PCDHGA7: variants seen among roughly 807,000 people sequenced by gnomAD.
The protein encoded by PCDHGA7 is protocadherin gamma subfamily A, 7, also known as protocadherin gamma-A7.
Under a neutral mutation model 58.3 loss-of-function variants are expected in PCDHGA7, and 44 were observed. That is an observed-to-expected ratio of 0.75 (90% CI 0.59 to 0.97). PCDHGA7 has a LOEUF of 0.97. Among genes scored for constraint, PCDHGA7 ranks in the 50% least tolerant of loss-of-function variants. PCDHGA7 has a pLI of 0.00. For synonymous variants in PCDHGA7, 516 were observed against 504.2 expected (o/e 1.02, Z -0.31); for missense variants, 1,266 against 1,188.7 (o/e 1.06, Z -0.96).
chr5:141,494,556 T>C (rs909822734), intron 1 of PCDHGA7, among the ~76,000 whole-genome samples: 18 of 152,120 alleles, frequency 1.2e-4, no homozygotes, highest in African/African-American at 4.3e-4. Context: ...GCCATTTCTT[T>C]AGGAAAGGAG....
chr5:141,441,697 C>A (rs1415018255), intron 1 of PCDHGA7: 4 of 307,190 alleles, frequency 1.3e-5, no homozygotes, highest in Non-Finnish European at 1.3e-5. Flanking sequence ...CAGCCGCGAG[C>A]CTTCAAGCTC....
intron 2 of PCDHGA7, among the ~76,000 whole-genome samples, chr5:141,498,839 A>C (rs2099786236): frequency 6.6e-6 from 1 of 152,062 alleles, no homozygotes; most frequent in Non-Finnish European, 1.5e-5. Context: ...AGGCTGAGGC[A>C]GGGGAATCGC....
intron 2 of PCDHGA7, among the ~76,000 whole-genome samples, chr5:141,499,083 C>G (rs2099789346): frequency 6.6e-6 from 1 of 152,082 alleles, no homozygotes; most frequent in African/African-American, 2.4e-5. Flanking sequence ...GAAGTTCCTG[C>G]TTGGCACATG....
chr5:141,508,971 T>C (rs776443205), intron 3 of PCDHGA7, among the ~76,000 whole-genome samples: 14 of 152,004 alleles, frequency 9.2e-5, no homozygotes, highest in Non-Finnish European at 2.1e-4. Context: ...ATGAAAGGGC[T>C]GGGGGTGGGG....
chr5:141,386,522 C>T (rs1561611649), intron 1 of PCDHGA7, among the ~76,000 whole-genome samples: 3 of 152,174 alleles, frequency 2.0e-5, no homozygotes, highest in African/African-American at 4.8e-5. Flanking sequence ...CAAAAAAAGA[C>T]TCTTTTTAGA....
chr5:141,410,602 T>A, intron 1 of PCDHGA7: 4 of 1,607,792 alleles, frequency 2.5e-6, no homozygotes, highest in South Asian at 2.2e-5. Flanking sequence ...TGACTTCACA[T>A]CCTGAGACTC....
chr5:141,441,633 C>T, intron 1 of PCDHGA7: 1 of 226,756 alleles, frequency 4.4e-6, no homozygotes, highest in Non-Finnish European at 8.9e-6. Flanking sequence ...CCTGGAGCCA[C>T]AGGCGCTGTG....
rs753358324 is a variant in PCDHGA7, at chr5:141,487,328, G to A, written c.2425-7479G>A. On this transcript the variant is annotated intron_variant, in intron 1 of 3. Transcript: ENST00000518325. This position sits in a 1 kb window ranked among gnomAD's most constrained non-coding sequence, Gnocchi z 5.0. ...ACTACTCTCTAAGTGTCTTCGTGGG[G>A]CAGCCTGTGGAGTCACATGCTTTCC... 1.2e-6 allele frequency: 2 copies of A among 1,613,962 alleles called. No individual in the cohort carries two copies. The highest frequency in any genetic ancestry group is 2.2e-5 in the East Asian group (1 of 44,874).
chr5:141,423,241 G>A (rs1485226833), intron 1 of PCDHGA7: 19 of 1,613,954 alleles, frequency 1.2e-5, no homozygotes, highest in Non-Finnish European at 1.4e-5. Flanking sequence ...CATCCCCGAA[G>A]TCCTGGCGGA....
chr5:141,418,069 G>T, intron 1 of PCDHGA7: 4 of 1,614,042 alleles, frequency 2.5e-6, no homozygotes, highest in South Asian at 2.2e-5. Flanking sequence ...GAGTGAGCGC[G>T]GAGAAGCTGC....
At chr5:141,400,242 G>A (rs757952126) in intron 1 of PCDHGA7, 14 of 1,613,894 alleles carry the variant, frequency 8.7e-6, no homozygotes, top group Middle Eastern at 1.6e-4. Context: ...CCGTGATTCT[G>A]GCCGTTGCCT....
chr5:141,456,275 G>A (rs1234663731), intron 1 of PCDHGA7, among the ~76,000 whole-genome samples: 1 of 152,142 alleles, frequency 6.6e-6, no homozygotes, highest in Non-Finnish European at 1.5e-5. Flanking sequence ...GCTACTTCCT[G>A]CTGAAAAGGG....
chr5:141,388,407 A>G (rs2091351140), intron 1 of PCDHGA7: 6 of 1,613,878 alleles, frequency 3.7e-6, no homozygotes, highest in Middle Eastern at 3.3e-4. Flanking sequence ...ACTCAGTCCC[A>G]GTGATCATTT....
At chr5:141,460,088 A>C (rs1225262213) in intron 1 of PCDHGA7, among the ~76,000 whole-genome samples, 2 of 151,990 alleles carry the variant, frequency 1.3e-5, no homozygotes, top group Non-Finnish European at 2.9e-5. Flanking sequence ...AAAAATAATA[A>C]TTATACATGT....
intron 1 of PCDHGA7, chr5:141,392,880 C>G (rs779595460): frequency 3.1e-6 from 5 of 1,613,564 alleles, no homozygotes; most frequent in Non-Finnish European, 2.5e-6. Flanking sequence ...GCTGGGAACG[C>G]TGTGGGAAAT....
At chr5:141,497,677 C>T in intron 2 of PCDHGA7, among the ~76,000 whole-genome samples, 1 of 151,836 alleles carries the variant, frequency 6.6e-6, no homozygotes, top group East Asian at 1.9e-4. Context: ...GTAGCTGGGA[C>T]AGCAGGTGTG....
intron 1 of PCDHGA7, chr5:141,478,841 A>G (rs1335486924): frequency 1.4e-5 from 19 of 1,405,590 alleles, no homozygotes; most frequent in Non-Finnish European, 1.8e-5. Flanking sequence ...GGGATGGTTA[A>G]GCTAAAACAC....
At chr5:141,414,098 C>A in intron 1 of PCDHGA7, 1 of 1,594,212 alleles carries the variant, frequency 6.3e-7, no homozygotes, top group Non-Finnish European at 8.5e-7. Flanking sequence ...ATAAAAATAT[C>A]AGAAAATCTA....
At chr5:141,413,338 G>A in intron 1 of PCDHGA7, 1 of 1,613,980 alleles carries the variant, frequency 6.2e-7, no homozygotes, top group African/African-American at 1.3e-5. Context: ...CATCTCCAAG[G>A]ACTTGGGTCT....
Sources: allele counts gnomAD v4.1 joint callset (sites outside exome capture counted in the v4.1 genomes callset), GRCh38; gene constraint gnomAD v4.1.1; non-coding constraint Gnocchi (gnomAD v3.1); transcripts MANE v1.5; gene names NCBI Gene and HGNC (gene_info 2026-07-23, HGNC 2026-07-21).